Variants in RAB3GAP2 observed in about 807,000 individuals in gnomAD.
RAB3GAP2 encodes RAB3 GTPase activating non-catalytic protein subunit 2.
Under a neutral mutation model 185.3 loss-of-function variants are expected in RAB3GAP2, and 87 were observed. The ratio of observed to expected loss-of-function variants is 0.47; its 90% confidence interval spans 0.39 to 0.56. The LOEUF (loss-of-function observed/expected upper bound fraction) is 0.56, where lower values mean the gene tolerates loss of function less well. Ranked by LOEUF, RAB3GAP2 falls within the 20% of genes least tolerant of loss-of-function variation. The pLI, the probability that RAB3GAP2 is intolerant of heterozygous loss-of-function variation, is 0.00. For missense variants in RAB3GAP2, 1,492 were observed against 1,638.2 expected, an observed-to-expected ratio of 0.91 and a Z score of 1.54; for synonymous variants, 554 against 576.1, an observed-to-expected ratio of 0.96 and a Z score of 0.55.
At chr1:220,193,518 AATTT>A (rs1162030684) in intron 12 of RAB3GAP2, 139 bp from the exon 13 acceptor site, 24 of 819,702 alleles carry the variant, frequency 2.9e-5, no homozygotes, top group Middle Eastern at 3.6e-4. Context: ...ATTAATAGTT[AATTT>A]ATTAATCACA....
At chr1:220,248,782 G>T (rs1659872685) in intron 1 of RAB3GAP2, among the ~76,000 whole-genome samples, 1 of 152,084 alleles carries the variant, frequency 6.6e-6, no homozygotes, top group Non-Finnish European at 1.5e-5. Flanking sequence ...AGACCCAGTG[G>T]GAGGTAATTG....
At position 220,241,825 on chromosome 1, in the gene RAB3GAP2, A is replaced by G. The variant is rs1338580357; in HGVS notation, c.116-8962T>C. 4.1e-4 allele frequency among the ~76,000 whole-genome samples: 62 copies of G among 152,008 alleles called. 1 individual carries two copies. Among genetic ancestry groups the G allele is most frequent in the Admixed American group, 4.1e-3 (62 of 15,280 alleles). Reference sequence around the variant, plus strand: ...AACATTAAAAATGTACATGTCTATTATAATTCTGTTTTTTTAACAACTTCA... The same window carrying G: ...AACATTAAAAATGTACATGTCTATTGTAATTCTGTTTTTTTAACAACTTCA... On this transcript the variant is annotated intron_variant, in intron 1 of 34. Coordinates refer to ENST00000358951, the MANE Select transcript of RAB3GAP2 (RefSeq NM_012414.4).
chr1:220,210,706 G>A (rs915217016), intron 6 of RAB3GAP2, 95 bp downstream of exon 6: 14 of 1,305,676 alleles, frequency 1.1e-5, no homozygotes, highest in Non-Finnish European at 1.5e-5. Flanking sequence ...ACATTTTCAG[G>A]CAGCAGGTAA....
At chr1:220,210,352 C>A in intron 7 of RAB3GAP2, 36 bp downstream of exon 7, 1 of 1,455,570 alleles carries the variant, frequency 6.9e-7, no homozygotes, top group Non-Finnish European at 9.7e-7. Flanking sequence ...CAAAATAATG[C>A]CACTGTTACT....
At chr1:220,228,369 G>A (rs1263146920) in intron 2 of RAB3GAP2, among the ~76,000 whole-genome samples, 1 of 152,144 alleles carries the variant, frequency 6.6e-6, no homozygotes, top group African/African-American at 2.4e-5. Flanking sequence ...GTAGAAATAA[G>A]AGTCTCTTAC....
chr1:220,211,002 C>T lies in RAB3GAP2; in HGVS notation c.387G>A (p.Gly129=). 2 of 1,613,086 alleles carry T rather than the reference C, an allele frequency of 1.2e-6. No homozygotes were observed. The highest frequency in any genetic ancestry group is 2.7e-5 in the African/African-American group (2 of 75,000). ...TACATAGAGCACTGGTTACACATTC[C>T]CTAAAAACAAAAACAAAATCATATG... ...GWSGSLNVEE[G]ECVTSALCIP... The change falls in exon 5 of 35, where the codon GGG becomes GGA. Residue 129 remains glycine, a splice_region_variant and synonymous_variant. Transcript: ENST00000358951.
At position 220,151,423 on chromosome 1, in the gene RAB3GAP2, AAAAT is replaced by A. The variant is rs1437985347; in HGVS notation, c.4027-21_4027-18del. 3.1e-6 allele frequency: 5 copies of A among 1,614,028 alleles called. No homozygotes were observed. The highest frequency in any genetic ancestry group is 1.3e-5 in the African/African-American group (1 of 74,942). On this transcript the variant is annotated intron_variant, in intron 34 of 34. Coordinates refer to ENST00000358951, the MANE Select transcript of RAB3GAP2 (RefSeq NM_012414.4). ...CTGGGGGTCCTGCAAATGGGACACA[AAAAT>A]AACCTATTATAGACAACTAAACAAT... is the stretch of plus-strand genomic sequence containing the variant.
At chr1:220,196,106 G>C (rs948102355) in intron 10 of RAB3GAP2, 144 bp downstream of exon 10, 12 of 891,296 alleles carry the variant, frequency 1.3e-5, no homozygotes, top group Non-Finnish European at 1.7e-5. Flanking sequence ...AAGAAAGCTA[G>C]TTGAGATTAA....
chr1:220,193,450 T>C, intron 12 of RAB3GAP2, 71 bp from the exon 13 acceptor site: 2 of 1,443,436 alleles, frequency 1.4e-6, no homozygotes, highest in African/African-American at 1.4e-5. Flanking sequence ...AATAACGAAA[T>C]GCATAAATGA....
In RAB3GAP2 at chr1:220,233,423, G is replaced by A. The variant is rs568468705; in HGVS notation, c.116-560C>T. ...TCGTCCTCTCAGAGGAAAATAAGAC[G>A]GTCAACAACAATGCAACAAGGAATG... On this transcript the variant is annotated intron_variant, in intron 1 of 34. Transcript: ENST00000358951. Among the ~76,000 whole-genome samples, 113 of 152,160 alleles carry A rather than the reference G, an allele frequency of 7.4e-4. 1 individual carries two copies. Among genetic ancestry groups the A allele is most frequent in the Middle Eastern group, 3.4e-3 (1 of 294 alleles).
chr1:220,234,263 C>T (rs1307139392), intron 1 of RAB3GAP2, among the ~76,000 whole-genome samples: 1 of 151,580 alleles, frequency 6.6e-6, no homozygotes, highest in Non-Finnish European at 1.5e-5. Context: ...AAGCAATCAG[C>T]TTTAAAATTC....
chr1:220,151,957 T>C (rs1333287565), intron 33 of RAB3GAP2, among the ~76,000 whole-genome samples, 193 bp from the exon 34 acceptor site: 6 of 151,924 alleles, frequency 3.9e-5, no homozygotes, highest in Non-Finnish European at 5.9e-5. Context: ...CCTTGGTTAA[T>C]TTTTTTTTCT....
intron 24 of RAB3GAP2, among the ~76,000 whole-genome samples, chr1:220,169,415 A>G (rs1658133319): frequency 6.6e-6 from 1 of 152,170 alleles, no homozygotes; most frequent in South Asian, 2.1e-4. Flanking sequence ...CGTTCTGTGG[A>G]TATTAGGAGG....
intron 33 of RAB3GAP2, among the ~76,000 whole-genome samples, chr1:220,152,888 A>G (rs181995655): frequency 5.6e-4 from 85 of 152,184 alleles, no homozygotes; most frequent in African/African-American, 2.0e-3. Flanking sequence ...CTATCATTCA[A>G]TGCAAAATTT....
chr1:220,266,721 T>C (rs565065884), intron 1 of RAB3GAP2: 15 of 1,580,320 alleles, frequency 9.5e-6, no homozygotes, highest in African/African-American at 4.0e-5. Context: ...TACTTGCTAG[T>C]TGATTCTTTG....
chr1:220,227,555 G>A (rs1195298563), intron 2 of RAB3GAP2, among the ~76,000 whole-genome samples: 2 of 152,184 alleles, frequency 1.3e-5, no homozygotes, highest in African/African-American at 4.8e-5. Flanking sequence ...TCAGCATTCT[G>A]TGGCAGTGGC....
intron 24 of RAB3GAP2, 47 bp downstream of exon 24, chr1:220,170,845 G>A (rs567040419): frequency 1.2e-5 from 17 of 1,476,272 alleles, no homozygotes; most frequent in Middle Eastern, 1.7e-4. Context: ...AGAAACCCTC[G>A]TAACATAAAA....
At chr1:220,188,825 T>C (rs1658554439) in intron 17 of RAB3GAP2, among the ~76,000 whole-genome samples, 1 of 152,204 alleles carries the variant, frequency 6.6e-6, no homozygotes, top group Non-Finnish European at 1.5e-5. Flanking sequence ...TTCTAGTCAG[T>C]GAGCAGAATT....
At chr1:220,164,327 C>G (rs1027511342) in intron 27 of RAB3GAP2, among the ~76,000 whole-genome samples, 2 of 152,012 alleles carry the variant, frequency 1.3e-5, no homozygotes, top group African/African-American at 4.8e-5. Context: ...AGAACAGCTG[C>G]CTTCATTACA....
Sources: allele counts gnomAD v4.1 joint callset (sites outside exome capture counted in the v4.1 genomes callset), GRCh38; gene constraint gnomAD v4.1.1; transcripts MANE v1.5; gene names NCBI Gene and HGNC (gene_info 2026-07-23, HGNC 2026-07-21).